The following PRKG2 variants were observed in gnomAD, a reference collection of about 807,000 sequenced individuals.
PRKG2 encodes cGMP-dependent protein kinase 2.
A neutral mutation model predicts 97.2 loss-of-function variants in PRKG2; 33 were observed. The observed-to-expected ratio is 0.34, with a 90% CI of 0.26 to 0.45. The LOEUF is 0.45. Ranked by LOEUF, PRKG2 falls within the 20% of genes least tolerant of loss-of-function variation. The pLI is 1.00. For missense variants in PRKG2, 638 were observed against 900.0 expected, an observed-to-expected ratio of 0.71 and a Z score of 3.73; for synonymous variants, 330 against 321.8, an observed-to-expected ratio of 1.03 and a Z score of -0.27.
chr4:81,103,204 C>A lies in PRKG2; in HGVS notation c.2126+1166G>T, dbSNP rs181467452. Among the ~76,000 whole-genome samples the A allele has an allele frequency of 1.8e-3, 278 of 152,254 alleles. 1 individual carries two copies. Among genetic ancestry groups the A allele is most frequent in the East Asian group, 7.7e-4 (4 of 5,178 alleles). Reference sequence around the variant, plus strand: ...CTTTAAGTTCTAGGGTACATGTGCACAACGTGCAGGTGTGTTACGTATCTA... The same window carrying A: ...CTTTAAGTTCTAGGGTACATGTGCAAAACGTGCAGGTGTGTTACGTATCTA... On this transcript the variant is annotated intron_variant, in intron 17 of 18. Transcript: ENST00000264399.
At chr4:81,098,704 A>G (rs1236645593) in intron 17 of PRKG2, among the ~76,000 whole-genome samples, 1 of 152,194 alleles carries the variant, frequency 6.6e-6, no homozygotes, top group Non-Finnish European at 1.5e-5. Flanking sequence ...TCATCAGAAC[A>G]CACAACATAT....
At chr4:81,183,511 C>A (rs1427826776) in intron 2 of PRKG2, among the ~76,000 whole-genome samples, 2 of 152,150 alleles carry the variant, frequency 1.3e-5, no homozygotes, top group African/African-American at 4.8e-5. Context: ...AGGAGATTCC[C>A]TTGGGTGCCT....
chr4:81,152,136 C>T lies in PRKG2; in HGVS notation c.991-82G>A, dbSNP rs188458005. The T allele has an allele frequency of 2.4e-3, 2,449 of 1,024,854 alleles. 4 individuals are homozygous for T. The highest frequency in any genetic ancestry group is 3.1e-3 in the Non-Finnish European group (2,090 of 678,356). 63.5% of individuals were successfully genotyped at this position (1,024,854 alleles called of 1,614,324 possible). On this transcript the variant is annotated intron_variant, in intron 7 of 18. Coordinates refer to ENST00000264399, the MANE Select transcript of PRKG2 (RefSeq NM_006259.3). ...ACACACATTCATTCAACCAAACCCT[C>T]TAGACCTATATAAACTTGGACAAGG... is the stretch of plus-strand genomic sequence containing the variant.
chr4:81,155,634 C>A (rs1749010193), intron 6 of PRKG2, among the ~76,000 whole-genome samples: 1 of 151,720 alleles, frequency 6.6e-6, no homozygotes, highest in Non-Finnish European at 1.5e-5. Context: ...TTGTCAGATT[C>A]ACCAAAGTTG....
rs182402493 is a variant in PRKG2 at position 81,101,467 on chromosome 4, C to T, written c.2126+2903G>A. ...CATTCTCAGCAAACTATTGCAAGGA[C>T]AAAAAACCAAATACTTCATGTTCTC... On this transcript the variant is annotated intron_variant, in intron 17 of 18. Transcript: ENST00000264399. Among the ~76,000 whole-genome samples the T allele has an allele frequency of 4.1e-3, 608 of 148,500 alleles. 10 individuals are homozygous for T. The highest frequency in any genetic ancestry group is 0.015 in the African/African-American group (592 of 40,284).
At chr4:81,149,100 C>A in intron 8 of PRKG2, 148 bp from the exon 9 acceptor site, 1 of 714,768 alleles carries the variant, frequency 1.4e-6, no homozygotes, top group Non-Finnish European at 2.4e-6. Flanking sequence ...TAATTTATAT[C>A]CCCCCAAAAA....
At chr4:81,142,084 A>G (rs1431816066) in intron 11 of PRKG2, among the ~76,000 whole-genome samples, 2 of 152,340 alleles carry the variant, frequency 1.3e-5, no homozygotes, top group East Asian at 3.9e-4. Flanking sequence ...GTACCCAGTA[A>G]GGCCACAGAT....
chr4:81,203,744 CT>C (rs1186314299), intron 2 of PRKG2, among the ~76,000 whole-genome samples: 1 of 152,092 alleles, frequency 6.6e-6, no homozygotes, highest in Non-Finnish European at 1.5e-5. Flanking sequence ...ACACACACCC[CT>C]ATACATGAAT....
At chr4:81,148,974 T>C (rs1335803102) in intron 8 of PRKG2, 22 bp from the exon 9 acceptor site, 5 of 1,605,596 alleles carry the variant, frequency 3.1e-6, no homozygotes, top group Non-Finnish European at 4.3e-6. Flanking sequence ...AATAGGAAAG[T>C]CAATTTTCAC....
At chr4:81,124,894 G>A (rs1745403151) in intron 14 of PRKG2, among the ~76,000 whole-genome samples, 2 of 151,968 alleles carry the variant, frequency 1.3e-5, no homozygotes, top group Admixed American at 6.6e-5. Flanking sequence ...GAATTGTGGG[G>A]GTCCCTTTAC....
At chr4:81,164,502 C>T (rs1043271983) in intron 6 of PRKG2, among the ~76,000 whole-genome samples, 12 of 151,954 alleles carry the variant, frequency 7.9e-5, no homozygotes, top group African/African-American at 2.2e-4. Context: ...ACAAGAAAGA[C>T]TAGACTTGAA....
At chr4:81,134,448 A>T (rs1224374175) in intron 14 of PRKG2, among the ~76,000 whole-genome samples, 1 of 152,198 alleles carries the variant, frequency 6.6e-6, no homozygotes, top group South Asian at 2.1e-4. Context: ...CTCAGGTAAA[A>T]GCTTGGGTTC....
At chr4:81,164,746 G>T (rs1349292991) in intron 6 of PRKG2, among the ~76,000 whole-genome samples, 1 of 152,056 alleles carries the variant, frequency 6.6e-6, no homozygotes, top group Non-Finnish European at 1.5e-5. Context: ...AAGGGCAAAG[G>T]TGCTCCACAC....
intron 13 of PRKG2, among the ~76,000 whole-genome samples, 190 bp downstream of exon 13, chr4:81,137,203 T>C (rs904196643): frequency 6.6e-6 from 1 of 152,222 alleles, no homozygotes; most frequent in African/African-American, 2.4e-5. Context: ...AAAACAGAGA[T>C]GACAACAACT....
chr4:81,210,113 C>T (rs1312321541), intron 1 of PRKG2, among the ~76,000 whole-genome samples: 1 of 151,738 alleles, frequency 6.6e-6, no homozygotes, highest in African/African-American at 2.4e-5. Context: ...ATGTAAGAAA[C>T]AAAATTACAA....
chr4:81,196,835 T>G (rs533472865), intron 2 of PRKG2, among the ~76,000 whole-genome samples: 1 of 138,312 alleles, frequency 7.2e-6, no homozygotes, highest in Admixed American at 7.1e-5. Context: ...CAAATACCTC[T>G]AGGGAGAGTC....
chr4:81,185,822 C>T (rs1451409059), intron 2 of PRKG2, among the ~76,000 whole-genome samples: 1 of 152,134 alleles, frequency 6.6e-6, no homozygotes, highest in Non-Finnish European at 1.5e-5. Flanking sequence ...AAGTTGCAAT[C>T]ATAGTCTCTG....
At chr4:81,109,361 T>C (rs1282966695) in intron 15 of PRKG2, among the ~76,000 whole-genome samples, 3 of 152,202 alleles carry the variant, frequency 2.0e-5, no homozygotes, top group Non-Finnish European at 2.9e-5. Flanking sequence ...CCATTCCAAA[T>C]GCAAATCCTC....
At chr4:81,138,719 T>TG (rs1746963409) in intron 12 of PRKG2, among the ~76,000 whole-genome samples, 1 of 151,766 alleles carries the variant, frequency 6.6e-6, no homozygotes, top group African/African-American at 2.4e-5. Context: ...TATTATTGCC[T>TG]GACTACATGC....
Sources: allele counts gnomAD v4.1 joint callset (sites outside exome capture counted in the v4.1 genomes callset), GRCh38; gene constraint gnomAD v4.1.1; transcripts MANE v1.5; gene names NCBI Gene and HGNC (gene_info 2026-07-23, HGNC 2026-07-21).